Variants in ASL observed in about 807,000 individuals in gnomAD.
ASL encodes argininosuccinate lyase.
A neutral mutation model predicts 69.1 loss-of-function variants in ASL; 51 were observed. The observed-to-expected ratio is 0.74, with a 90% CI of 0.59 to 0.93. ASL has a LOEUF of 0.93. Among genes scored for constraint, ASL ranks in the 40% least tolerant of loss-of-function variants. ASL has a pLI of 0.00. For synonymous variants in ASL, 241 were observed against 247.6 expected, an observed-to-expected ratio of 0.97 and a Z score of 0.25; for missense variants, 540 against 623.9, an observed-to-expected ratio of 0.87 and a Z score of 1.43.
intron 10 of ASL, 88 bp downstream of exon 10, chr7:66,087,879 G>A (rs952254453): frequency 1.9e-5 from 29 of 1,519,642 alleles, no homozygotes; most frequent in Middle Eastern, 1.7e-4. Context: ...ACACCTCCAC[G>A]GACAGGCTGG....
rs1786754349 is a variant in ASL, at chr7:66,088,981, G to T, written c.833+60G>T. On this transcript the variant is annotated intron_variant, in intron 11 of 16. Coordinates refer to ENST00000304874, the MANE Select transcript of ASL (RefSeq NM_000048.4). ...CCGGCCTCTGTATCCCCCGCCGCCC[G>T]CGGACGTGGCTGCCTTCCTCCCCGT... 5 of 1,607,072 alleles carry T rather than the reference G, an allele frequency of 3.1e-6. No homozygotes were observed. The South Asian group carries it at 4.4e-5, about 14-fold the overall frequency.
At chr7:66,090,971 G>A (rs546111250) in intron 14 of ASL, among the ~76,000 whole-genome samples, 1 of 151,848 alleles carries the variant, frequency 6.6e-6, no homozygotes, top group African/African-American at 2.4e-5. Context: ...GGTGGTACAC[G>A]CCTGTAATCC....
At chr7:66,082,189 C>T (rs910528485) in intron 3 of ASL, among the ~76,000 whole-genome samples, 179 bp from the exon 4 acceptor site, 9 of 152,162 alleles carry the variant, frequency 5.9e-5, no homozygotes, top group African/African-American at 2.2e-4. Context: ...CTGTGGCCCA[C>T]ATGGCTCATG....
intron 2 of ASL, among the ~76,000 whole-genome samples, chr7:66,080,635 A>G (rs1786477808): frequency 1.3e-5 from 2 of 151,302 alleles, no homozygotes; most frequent in Admixed American, 6.6e-5. Context: ...AGGCAGGAAA[A>G]TTGGCTTGAA....
At chr7:66,091,745 C>T (rs960037258) in intron 14 of ASL, 3 of 509,034 alleles carry the variant, frequency 5.9e-6, no homozygotes, top group African/African-American at 5.8e-5. Flanking sequence ...CCTCCAGGAA[C>T]ATCTGATGCA....
At position 66,087,399 on chromosome 7, in the gene ASL, GC is replaced by G. The variant is rs1250589121; in HGVS notation, c.655+17del. On this transcript the variant is annotated intron_variant, in intron 9 of 16. Coordinates refer to ENST00000304874, the MANE Select transcript of ASL (RefSeq NM_000048.4). ...CTGCTCCGAGCAGGTGAGACGTCCT[GC>G]CCCTCCTCCCCAGGGAGAATCACCC... 2 of 1,606,830 alleles carry G rather than the reference GC, an allele frequency of 1.2e-6. No homozygotes were observed. The highest frequency in any genetic ancestry group is 8.5e-7 in the Non-Finnish European group (1 of 1,179,896).
At chr7:66,087,703 A>C (rs1359053538) in intron 9 of ASL, 26 bp from the exon 10 acceptor site, 2 of 1,613,932 alleles carry the variant, frequency 1.2e-6, no homozygotes, top group Non-Finnish European at 1.7e-6. Flanking sequence ...CCTCCAGCTT[A>C]GCCCTGCTTC....
intron 9 of ASL, 108 bp from the exon 10 acceptor site, chr7:66,087,621 C>A (rs986380471): frequency 3.4e-6 from 4 of 1,166,744 alleles, no homozygotes; most frequent in African/African-American, 1.5e-5. Context: ...TCCCTCCCCC[C>A]AGCTGTTGCC....
At position 66,089,618 on chromosome 7, in the gene ASL, A is replaced by G. The variant is rs1207747147; in HGVS notation, c.985A>G (p.Lys329Glu). ...CCTGCCATGTGCCTCCCAGGAGGAC[A>G]AGGAAGCTGTGTTTGAAGTGTCAGA... ...STYNKDLQED[K>E]EAVFEVSDTM... The change falls in exon 14 of 17, where the codon AAG becomes GAG. Residue 329 changes from lysine (K) to glutamate (E), a missense_variant. By Grantham distance (56) the Lys-to-Glu change is moderately conservative (BLOSUM62 1). Transcript: ENST00000304874. 2 of 1,613,666 alleles carry G rather than the reference A, an allele frequency of 1.2e-6. No individual in the cohort carries two copies. The highest frequency in any genetic ancestry group is 1.7e-5 in the Admixed American group (1 of 60,000).
At position 66,093,178 on chromosome 7, in the gene ASL, G is replaced by A. The variant is rs961905885; in HGVS notation, c.*266G>A. 4.5e-5 allele frequency: 25 copies of A among 554,704 alleles called. No homozygotes were observed. The highest frequency in any genetic ancestry group is 1.5e-4 in the Admixed American group (5 of 32,822). The allele number at this position is 554,704 out of a possible 1,614,324, so 34.4% of individuals were successfully genotyped here. A position where few individuals can be genotyped will look rare whatever the true frequency, so the allele number is the denominator to read the frequency against. ...TCAATAATAAAACAAATAGCCTGGC[G>A]TGGTGGCCCATGCATATAGTCCCAG... On this transcript the variant is annotated 3_prime_UTR_variant, in exon 17 of 17. Coordinates refer to ENST00000304874, the MANE Select transcript of ASL (RefSeq NM_000048.4).
At chr7:66,081,218 T>C (rs777382939) in intron 2 of ASL, among the ~76,000 whole-genome samples, 12 of 152,162 alleles carry the variant, frequency 7.9e-5, no homozygotes, top group Non-Finnish European at 1.3e-4. Context: ...GAAGTTCTGC[T>C]GTGGTCCCAG....
At chr7:66,088,669 C>A in intron 10 of ASL, 138 bp from the exon 11 acceptor site, 1 of 741,418 alleles carries the variant, frequency 1.3e-6, no homozygotes, top group Non-Finnish European at 2.4e-6. Flanking sequence ...ACAGCTTGGG[C>A]GACATAGCAC....
intron 8 of ASL, 77 bp from the exon 9 acceptor site, chr7:66,087,257 T>C: frequency 7.7e-7 from 1 of 1,295,890 alleles, no homozygotes; most frequent in East Asian, 2.4e-5. Context: ...TGTGTGTGTG[T>C]GTGTGTGTGT....
Position 66,083,170 on chromosome 7 carries a change from G to A in ASL, c.442G>A (p.Glu148Lys), listed in dbSNP as rs755742638. 1 of 1,612,544 alleles carries A rather than the reference G, an allele frequency of 6.2e-7. No individual in the cohort carries two copies. The highest frequency in any genetic ancestry group is 1.1e-5 in the South Asian group (1 of 91,022). ...ELIRTMVDRA[E>K]AERDVLFPGY... ...CATTAGGACCATGGTGGATCGGGCA[G>A]AGGCGTGAGTCCTACAGGGACACCC... The change falls in exon 6 of 17, where the codon GAG becomes AAG. Residue 148 changes from glutamate to lysine, a missense_variant. Coordinates refer to ENST00000304874, the MANE Select transcript of ASL (RefSeq NM_000048.4).
At chr7:66,089,573 G>T (rs763844562) in intron 13 of ASL, 39 bp from the exon 14 acceptor site, 59 of 1,608,434 alleles carry the variant, frequency 3.7e-5, no homozygotes, top group Non-Finnish European at 5.0e-5. Context: ...GGGTGCCAGG[G>T]GGCTGCTAGG....
At chr7:66,080,845 T>A (rs1786484753) in intron 2 of ASL, among the ~76,000 whole-genome samples, 1 of 152,080 alleles carries the variant, frequency 6.6e-6, no homozygotes, top group Non-Finnish European at 1.5e-5. Context: ...TCAGGGTGCT[T>A]TTCAGAGCCA....
chr7:66,093,548 A>G lies in ASL; in HGVS notation c.*636A>G, dbSNP rs138245831. On this transcript the variant is annotated 3_prime_UTR_variant, in exon 17 of 17. Coordinates refer to ENST00000304874, the MANE Select transcript of ASL (RefSeq NM_000048.4). ...GCAACAGGAAGACTCCAACTACCAT[A>G]TTAAAAAAAACATGAATGAAAGCAA... is the stretch of plus-strand genomic sequence containing the variant. 2,950 of 156,294 alleles carry G rather than the reference A, an allele frequency of 0.019. 50 individuals carry two copies. The highest frequency in any genetic ancestry group is 0.027 in the Non-Finnish European group (1,912 of 70,522). The allele number at this position is 156,294 out of a possible 1,614,324, so 9.7% of individuals were successfully genotyped here. A position where few individuals can be genotyped will look rare whatever the true frequency, so the allele number is the denominator to read the frequency against.
intron 9 of ASL, 23 bp downstream of exon 9, chr7:66,087,409 C>T (rs1200298827): frequency 6.2e-7 from 1 of 1,606,282 alleles, no homozygotes; most frequent in South Asian, 1.1e-5. Context: ...GCCCCTCCTC[C>T]CCAGGGAGAA....
chr7:66,085,857 C>A (rs1021906708), intron 6 of ASL, among the ~76,000 whole-genome samples: 2 of 152,082 alleles, frequency 1.3e-5, no homozygotes, highest in Admixed American at 1.3e-4. Flanking sequence ...ATCTGCCCGC[C>A]TCGGCCTCCC....
Sources: allele counts gnomAD v4.1 joint callset (sites outside exome capture counted in the v4.1 genomes callset), GRCh38; gene constraint gnomAD v4.1.1; transcripts MANE v1.5; gene names NCBI Gene and HGNC (gene_info 2026-07-23, HGNC 2026-07-21).